ANP32A: variants seen among roughly 807,000 people sequenced by gnomAD.
ANP32A encodes the protein acidic nuclear phosphoprotein 32 family member A.
ANP32A carries 1 observed loss-of-function variant against 33.9 expected under a neutral mutation model. That is an observed-to-expected ratio of 0.03 (90% CI 0.01 to 0.14). The LOEUF is 0.14. ANP32A is among the 10% of genes least tolerant of loss of function. The pLI, the probability that ANP32A is intolerant of heterozygous loss-of-function variation, is 1.00. For missense variants in ANP32A, 155 were observed against 306.0 expected, an observed-to-expected ratio of 0.51 and a Z score of 3.68; for synonymous variants, 115 against 120.5, an observed-to-expected ratio of 0.95 and a Z score of 0.30.
intron 1 of ANP32A, among the ~76,000 whole-genome samples, chr15:68,813,868 G>GTTTTTTTT (rs34385351): frequency 6.8e-5 from 8 of 118,338 alleles, no homozygotes; most frequent in Non-Finnish European, 9.8e-5. Context: ...TTTCCAGGAA[G>GTTTTTTTT]TTTTTTTTTT....
At chr15:68,819,928 G>A (rs1596078896) in intron 1 of ANP32A, among the ~76,000 whole-genome samples, 1 of 152,210 alleles carries the variant, frequency 6.6e-6, no homozygotes, top group East Asian at 1.9e-4. Context: ...AAGAGTGAGG[G>A]AGAAAGAGGA....
rs184056769 is a variant in ANP32A, at chr15:68,814,455, G to T, written c.54+6243C>A. Among the ~76,000 whole-genome samples the T allele has an allele frequency of 3.4e-5, 5 of 145,496 alleles. No homozygotes were observed. The East Asian group carries it at 1.0e-3, about 29-fold the overall frequency. On this transcript the variant is annotated intron_variant, in intron 1 of 6. Coordinates refer to ENST00000465139, the MANE Select transcript of ANP32A (RefSeq NM_006305.4). Reference sequence around the variant, plus strand: ...CAAGTCTCATACTGCTATGGGGAAAGAAAAAAAAAAAGAAAGATGGCCAAC... The same window carrying T: ...CAAGTCTCATACTGCTATGGGGAAATAAAAAAAAAAAGAAAGATGGCCAAC...
At chr15:68,812,231 C>T (rs1020880389) in intron 1 of ANP32A, among the ~76,000 whole-genome samples, 1 of 152,294 alleles carries the variant, frequency 6.6e-6, no homozygotes, top group Middle Eastern at 3.4e-3. Flanking sequence ...TTGGAAGTGG[C>T]GGAAGCAGGA....
intron 1 of ANP32A, among the ~76,000 whole-genome samples, chr15:68,817,876 G>A (rs2140376954): frequency 6.6e-6 from 1 of 152,022 alleles, no homozygotes; most frequent in Admixed American, 6.5e-5. Flanking sequence ...GCAAGACTCC[G>A]CTCCCCCCGC....
intron 1 of ANP32A, among the ~76,000 whole-genome samples, chr15:68,799,455 C>A (rs956400519): frequency 1.3e-5 from 2 of 152,126 alleles, no homozygotes; most frequent in Non-Finnish European, 2.9e-5. Flanking sequence ...GTTCACAAGT[C>A]TATGGCTGCT....
intron 3 of ANP32A, among the ~76,000 whole-genome samples, chr15:68,785,962 T>A (rs1893926567): frequency 2.0e-5 from 3 of 152,236 alleles, no homozygotes. Context: ...GAAAAGAAGT[T>A]CTGTGGGAAG....
At chr15:68,788,170 G>T (rs1328481988) in intron 1 of ANP32A, among the ~76,000 whole-genome samples, 1 of 152,174 alleles carries the variant, frequency 6.6e-6, no homozygotes, top group Non-Finnish European at 1.5e-5. Context: ...GAACCAGGGG[G>T]CCACTCCAGA....
At chr15:68,798,764 A>G (rs1894093869) in intron 1 of ANP32A, among the ~76,000 whole-genome samples, 1 of 152,230 alleles carries the variant, frequency 6.6e-6, no homozygotes, top group South Asian at 2.1e-4. Flanking sequence ...GCAGAGCTGC[A>G]AGTGGAGAAG....
At chr15:68,799,898 TTTA>T (rs1176112430) in intron 1 of ANP32A, among the ~76,000 whole-genome samples, 1 of 152,130 alleles carries the variant, frequency 6.6e-6, no homozygotes, top group Non-Finnish European at 1.5e-5. Context: ...GTCATGTACG[TTTA>T]TTGTGTTTTC....
At chr15:68,787,652 C>T in intron 2 of ANP32A, 117 bp from the exon 3 acceptor site, 1 of 1,595,246 alleles carries the variant, frequency 6.3e-7, no homozygotes, top group Non-Finnish European at 8.6e-7. Flanking sequence ...AGGCAATTGT[C>T]TGGCATGTTG....
chr15:68,815,569 A>G (rs1220195458), intron 1 of ANP32A, among the ~76,000 whole-genome samples: 1 of 152,210 alleles, frequency 6.6e-6, no homozygotes, highest in African/African-American at 2.4e-5. Context: ...CTGTACAAAA[A>G]TTGGGAGCTC....
chr15:68,787,614 C>T, intron 2 of ANP32A, 79 bp from the exon 3 acceptor site: 1 of 1,605,248 alleles, frequency 6.2e-7, no homozygotes, highest in Non-Finnish European at 8.5e-7. Flanking sequence ...CGGCTTTCCC[C>T]AGACGGGCAA....
rs1259184690 is a variant in ANP32A at position 68,779,997 on chromosome 15, G to A, written c.*84C>T. Reference sequence around the variant, plus strand: ...ATCAGAAAAAAATAAGTTTCAGGGGGCAGGATTGGAGGGGGGGGGGAGAGG... The same window carrying A: ...ATCAGAAAAAAATAAGTTTCAGGGGACAGGATTGGAGGGGGGGGGGAGAGG... On this transcript the variant is annotated 3_prime_UTR_variant, in exon 7 of 7. Transcript: ENST00000465139. 9 of 1,282,756 alleles carry A rather than the reference G, an allele frequency of 7.0e-6. No individual in the cohort carries two copies. The highest frequency in any genetic ancestry group is 1.5e-5 in the African/African-American group (1 of 66,028). 79.5% of individuals were successfully genotyped at this position (1,282,756 alleles called of 1,614,324 possible).
chr15:68,788,650 G>A (rs1194800192), intron 1 of ANP32A, among the ~76,000 whole-genome samples: 1 of 152,202 alleles, frequency 6.6e-6, no homozygotes, highest in Non-Finnish European at 1.5e-5. Flanking sequence ...TAATTTAAGT[G>A]TAAACAGACA....
chr15:68,802,818 A>ATTTTTTTT (rs1894155868), intron 1 of ANP32A, among the ~76,000 whole-genome samples: 2 of 152,002 alleles, frequency 1.3e-5, no homozygotes, highest in African/African-American at 2.4e-5. Context: ...ATGCCCGGCT[A>ATTTTTTTT]ATTTTTTATA....
At chr15:68,817,968 G>A (rs943382794) in intron 1 of ANP32A, among the ~76,000 whole-genome samples, 4 of 152,236 alleles carry the variant, frequency 2.6e-5, no homozygotes, top group Admixed American at 2.0e-4. Context: ...GGGCCCTGGA[G>A]GCGGCTCCTG....
At chr15:68,805,843 C>G (rs530268979) in intron 1 of ANP32A, among the ~76,000 whole-genome samples, 1 of 152,304 alleles carries the variant, frequency 6.6e-6, no homozygotes, top group South Asian at 2.1e-4. Context: ...AGCAGCCATG[C>G]CTTTGCTTGA....
At chr15:68,818,195 C>T (rs917438509) in intron 1 of ANP32A, 21 of 187,784 alleles carry the variant, frequency 1.1e-4, no homozygotes, top group South Asian at 8.2e-4. Flanking sequence ...AGCCCTGCGC[C>T]CCGCGCCGGG....
rs34385351 is a variant in ANP32A, at chr15:68,813,868, G to GT, written c.54+6829dup. Reference sequence around the variant, plus strand: ...GAGTATCCTACACAATTTCCAGGAAGTTTTTTTTTTTTTTTTTTTGAGACG... The same window carrying GT: ...GAGTATCCTACACAATTTCCAGGAAGTTTTTTTTTTTTTTTTTTTTGAGACG... On this transcript the variant is annotated intron_variant, in intron 1 of 6. Coordinates refer to ENST00000465139, the MANE Select transcript of ANP32A (RefSeq NM_006305.4). 8.0e-3 allele frequency among the ~76,000 whole-genome samples: 943 copies of GT among 118,306 alleles called. 38 individuals are homozygous for GT. Among genetic ancestry groups the GT allele is most frequent in the African/African-American group, 0.028 (874 of 30,870 alleles). 77.6% of individuals were successfully genotyped at this position (118,306 alleles called of 152,430 possible). A position where few individuals can be genotyped will look rare whatever the true frequency, so the allele number is the denominator to read the frequency against.
Sources: gnomAD v4.1 joint callset for allele counts (sites outside exome capture counted in the v4.1 genomes callset) on GRCh38, gnomAD v4.1.1 for gene constraint, MANE v1.5 for transcripts, NCBI Gene and HGNC (gene_info 2026-07-23, HGNC 2026-07-21) for gene names.